The following KAZN variants were observed in gnomAD, a reference collection of about 807,000 sequenced individuals.
KAZN encodes the protein kazrin, periplakin interacting protein, also known as kazrin.
KAZN carries 40 observed loss-of-function variants against 87.4 expected under a neutral mutation model. The observed-to-expected ratio is 0.46, with a 90% CI of 0.36 to 0.60. The LOEUF (loss-of-function observed/expected upper bound fraction) is 0.60. KAZN is among the 20% of genes least tolerant of loss of function. The pLI, the probability that KAZN is intolerant of heterozygous loss-of-function variation, is 0.00. For missense variants in KAZN, 898 were observed against 1,073.9 expected (o/e 0.84, Z 2.29); for synonymous variants, 466 against 458.3 (o/e 1.02, Z -0.22).
intron 1 of KAZN, among the ~76,000 whole-genome samples, chr1:13,997,834 G>T (rs142640779): frequency 5.9e-5 from 9 of 152,210 alleles, no homozygotes; most frequent in South Asian, 2.1e-4. Flanking sequence ...AACCCAGCAA[G>T]ACAGGCCAAC....
chr1:13,897,466 G>A (rs942379968), intron 1 of KAZN, among the ~76,000 whole-genome samples: 1 of 152,118 alleles, frequency 6.6e-6, no homozygotes, highest in Non-Finnish European at 1.5e-5. Flanking sequence ...ATCCACACAC[G>A]AGGCCACACT....
intron 2 of KAZN, among the ~76,000 whole-genome samples, chr1:14,327,627 G>A (rs1222686234): frequency 1.3e-5 from 2 of 152,126 alleles, no homozygotes; most frequent in African/African-American, 4.8e-5. Flanking sequence ...TTGAACACAA[G>A]TGCCCATCAA....
intron 1 of KAZN, among the ~76,000 whole-genome samples, chr1:13,979,694 C>T (rs1408311543): frequency 6.6e-6 from 1 of 152,000 alleles, no homozygotes; most frequent in African/African-American, 2.4e-5. Context: ...TTTGGGAGGC[C>T]GAGGCGGGCG....
intron 1 of KAZN, among the ~76,000 whole-genome samples, chr1:14,175,748 A>G (rs1221156675): frequency 5.3e-5 from 8 of 152,222 alleles, no homozygotes; most frequent in Admixed American, 4.6e-4. Flanking sequence ...ATGTCTGTGC[A>G]TGTGTAAGCA....
At chr1:14,617,642 T>G (rs1340512451) in intron 1 of KAZN, among the ~76,000 whole-genome samples, 1 of 152,178 alleles carries the variant, frequency 6.6e-6, no homozygotes. Context: ...GGGACATACA[T>G]GCTAAGGATT....
Position 15,101,786 on chromosome 1 carries a change from G to A in KAZN, c.1779+12G>A. On this transcript the variant is annotated intron_variant, in intron 11 of 14. Coordinates refer to ENST00000376030, the MANE Select transcript of KAZN (RefSeq NM_201628.3). ...ACTTCAGCAGGGAGGTGAGGACCAG[G>A]GCACAGGGTGGGGGCACCTTCCACT... 1 of 1,552,062 alleles carries A rather than the reference G, an allele frequency of 6.4e-7. No homozygotes were observed. Among genetic ancestry groups the A allele is most frequent in the African/African-American group, 1.4e-5 (1 of 73,446 alleles).
chr1:14,800,270 A>G (rs946593555), intron 1 of KAZN, among the ~76,000 whole-genome samples: 3 of 152,250 alleles, frequency 2.0e-5, no homozygotes, highest in African/African-American at 7.2e-5. Flanking sequence ...GTGTCCACAC[A>G]AACACTCCTA....
In KAZN at chr1:14,495,457, G is replaced by A. The variant is rs79210008; in HGVS notation, c.250-103526G>A. Among the ~76,000 whole-genome samples the A allele has an allele frequency of 5.2e-3, 784 of 152,230 alleles. 9 individuals carry two copies. Among genetic ancestry groups the A allele is most frequent in the African/African-American group, 0.018 (746 of 41,534 alleles). On this transcript the variant is annotated intron_variant, in intron 2 of 16. Coordinates refer to the KAZN transcript ENST00000636203. ...CTACCCCTGCCCCTTTAGCCAGATG[G>A]CTCACTCCACACCCCCAGGCAAAGA...
At chr1:14,266,121 G>T (rs1236743837) in intron 2 of KAZN, among the ~76,000 whole-genome samples, 1 of 152,194 alleles carries the variant, frequency 6.6e-6, no homozygotes, top group Non-Finnish European at 1.5e-5. Flanking sequence ...GGTGGGTAGA[G>T]AAATAGGCAG....
At chr1:14,062,937 C>T (rs1642853200) in intron 1 of KAZN, among the ~76,000 whole-genome samples, 1 of 152,140 alleles carries the variant, frequency 6.6e-6, no homozygotes, top group Non-Finnish European at 1.5e-5. Flanking sequence ...CATCTGTCTC[C>T]ATGAATAGAT....
intron 1 of KAZN, chr1:14,924,541 G>T: frequency 2.0e-6 from 2 of 1,011,948 alleles, no homozygotes; most frequent in Non-Finnish European, 2.4e-6. Context: ...GGGTTCCCCG[G>T]GTCCGAGCGG....
At chr1:14,173,211 CTG>C (rs1244337918) in intron 1 of KAZN, among the ~76,000 whole-genome samples, 4 of 152,176 alleles carry the variant, frequency 2.6e-5, no homozygotes, top group African/African-American at 4.8e-5. Flanking sequence ...ACACCAATAA[CTG>C]TTGCAGTGAA....
intron 1 of KAZN, among the ~76,000 whole-genome samples, chr1:14,932,774 C>T (rs537105986): frequency 2.1e-5 from 3 of 144,846 alleles, no homozygotes; most frequent in African/African-American, 5.6e-5. Flanking sequence ...AGTTCAGAAC[C>T]CTGCACTTTT....
At chr1:14,347,885 T>C (rs1571355433) in intron 2 of KAZN, among the ~76,000 whole-genome samples, 1 of 148,392 alleles carries the variant, frequency 6.7e-6, no homozygotes, top group East Asian at 2.0e-4. Context: ...TTTCTTTTTC[T>C]TTTTTTTTTC....
intron 2 of KAZN, among the ~76,000 whole-genome samples, chr1:14,300,199 G>A (rs1490694230): frequency 6.6e-6 from 1 of 152,188 alleles, no homozygotes; most frequent in African/African-American, 2.4e-5. Context: ...ATCCTGCAGG[G>A]ACTCGGAGCC....
intron 2 of KAZN, among the ~76,000 whole-genome samples, chr1:14,497,756 C>T (rs891564265): frequency 1.3e-5 from 2 of 151,972 alleles, no homozygotes; most frequent in Non-Finnish European, 1.5e-5. Flanking sequence ...TACAGCCACC[C>T]GATCAACATA....
At chr1:14,202,885 G>A (rs960258206) in intron 2 of KAZN, among the ~76,000 whole-genome samples, 22 of 152,060 alleles carry the variant, frequency 1.4e-4, no homozygotes, top group South Asian at 2.1e-4. Flanking sequence ...GGGCATGGTC[G>A]TGGGCGCCTG....
chr1:14,161,862 A>G (rs947171538), intron 1 of KAZN, among the ~76,000 whole-genome samples: 95 of 152,214 alleles, frequency 6.2e-4, no homozygotes, highest in African/African-American at 2.3e-3. Flanking sequence ...GTAATTCCTT[A>G]AATGTTGTTT....
rs1342215894 is a variant in KAZN at position 14,592,205 on chromosome 1, A to T, written c.250-6778A>T. 3.3e-5 allele frequency among the ~76,000 whole-genome samples: 5 copies of T among 152,188 alleles called. No individual in the cohort carries two copies. The East Asian group carries it at 9.6e-4, about 29-fold the overall frequency. On this transcript the variant is annotated intron_variant, in intron 2 of 16. Coordinates refer to the KAZN transcript ENST00000636203. ...AGGATTCACATGTGACAATTTGAAT[A>T]AACAGAGACTCCGTCTGTGGAGAGG...
Sources: gnomAD v4.1 joint callset for allele counts (sites outside exome capture counted in the v4.1 genomes callset) on GRCh38, gnomAD v4.1.1 for gene constraint, MANE v1.5 for transcripts, NCBI Gene and HGNC (gene_info 2026-07-23, HGNC 2026-07-21) for gene names.